Variants in DIPK1A observed in about 807,000 individuals in gnomAD.
The protein encoded by DIPK1A is family with sequence similarity 69 member A.
A neutral mutation model predicts 40.8 loss-of-function variants in DIPK1A; 27 were observed. The observed-to-expected ratio is 0.66, with a 90% CI of 0.49 to 0.91. The LOEUF is 0.91. Among genes scored for constraint, DIPK1A ranks in the 40% least tolerant of loss-of-function variants. The probability of loss-of-function intolerance (pLI) is 0.00; values close to 1 mark genes in which losing one functional copy is unlikely to be tolerated. For synonymous variants in DIPK1A, 166 were observed against 171.3 expected (o/e 0.97, Z 0.24); for missense variants, 412 against 505.7 (o/e 0.81, Z 1.78).
At chr1:92,893,073 A>G (rs1328875360) in intron 1 of DIPK1A, among the ~76,000 whole-genome samples, 1 of 152,084 alleles carries the variant, frequency 6.6e-6, no homozygotes, top group Non-Finnish European at 1.5e-5. Context: ...GTTGGAAAAC[A>G]CTCTGCAGGA....
chr1:92,860,016 T>C (rs1422726434), intron 2 of DIPK1A, among the ~76,000 whole-genome samples: 1 of 152,202 alleles, frequency 6.6e-6, no homozygotes, highest in Non-Finnish European at 1.5e-5. Context: ...GTTTGTTAAA[T>C]AGCATGATAA....
chr1:92,942,051 A>G (rs565750971), intron 1 of DIPK1A, among the ~76,000 whole-genome samples: 29 of 152,298 alleles, frequency 1.9e-4, no homozygotes, highest in African/African-American at 6.5e-4. Flanking sequence ...CACAGGGAAT[A>G]TATGGACATG....
chr1:92,942,433 T>C (rs1452838743), intron 1 of DIPK1A, among the ~76,000 whole-genome samples: 4 of 152,174 alleles, frequency 2.6e-5, no homozygotes, highest in African/African-American at 9.7e-5. Context: ...ATGAGTAAAG[T>C]GGAAAGGATA....
chr1:92,855,999 C>T (rs1448228555), intron 2 of DIPK1A, among the ~76,000 whole-genome samples: 1 of 152,058 alleles, frequency 6.6e-6, no homozygotes, highest in Non-Finnish European at 1.5e-5. Context: ...ATGGCTTGAG[C>T]CCTGGAGGTC....
At chr1:92,927,800 T>C (rs1298465863) in intron 1 of DIPK1A, among the ~76,000 whole-genome samples, 1 of 152,252 alleles carries the variant, frequency 6.6e-6, no homozygotes, top group East Asian at 1.9e-4. Flanking sequence ...CGTTTCTTTT[T>C]ATTGCTGAAC....
Position 92,842,330 on chromosome 1 carries a change from C to G in DIPK1A, c.*1053G>C. Reference sequence around the variant, plus strand: ...CATGTTCCACTTTAGGTAGGCGAAACCTTTGAGCAGAAAATAGTGGTTCTT... The same window carrying G: ...CATGTTCCACTTTAGGTAGGCGAAAGCTTTGAGCAGAAAATAGTGGTTCTT... On this transcript the variant is annotated 3_prime_UTR_variant, in exon 5 of 5. Coordinates refer to ENST00000370310, the MANE Select transcript of DIPK1A (RefSeq NM_001006605.5). 2.0e-6 allele frequency: 2 copies of G among 985,966 alleles called. No individual in the cohort carries two copies. Among genetic ancestry groups the G allele is most frequent in the African/African-American group, 1.7e-5 (1 of 57,348 alleles). The allele number at this position is 985,966 out of a possible 1,614,324, so 61.1% of individuals were successfully genotyped here.
intron 1 of DIPK1A, among the ~76,000 whole-genome samples, chr1:92,943,067 A>T (rs952723489): frequency 1.3e-5 from 2 of 152,370 alleles, no homozygotes; most frequent in East Asian, 1.9e-4. Context: ...TCACATCAGG[A>T]CTTTCAGTTT....
At chr1:92,913,670 T>C (rs866883989) in intron 1 of DIPK1A, among the ~76,000 whole-genome samples, 3 of 152,208 alleles carry the variant, frequency 2.0e-5, no homozygotes, top group African/African-American at 4.8e-5. Context: ...GTAAGTAATA[T>C]ACTGTATATG....
At chr1:92,883,044 C>T (rs1648447752) in intron 1 of DIPK1A, among the ~76,000 whole-genome samples, 1 of 152,190 alleles carries the variant, frequency 6.6e-6, no homozygotes, top group African/African-American at 2.4e-5. Flanking sequence ...AATTCTAGGT[C>T]TTAGCCACTG....
At chr1:92,861,200 T>C (rs1478786558) in intron 2 of DIPK1A, among the ~76,000 whole-genome samples, 1 of 152,184 alleles carries the variant, frequency 6.6e-6, no homozygotes, top group Non-Finnish European at 1.5e-5. Flanking sequence ...TTTTCATAAA[T>C]GTCTTTTATC....
chr1:92,897,541 G>A (rs1649226826), intron 1 of DIPK1A, among the ~76,000 whole-genome samples: 1 of 152,118 alleles, frequency 6.6e-6, no homozygotes, highest in South Asian at 2.1e-4. Context: ...AGCATTAGGA[G>A]ATATACCTAA....
chr1:92,855,923 T>C (rs1687972090), intron 2 of DIPK1A, among the ~76,000 whole-genome samples: 1 of 151,600 alleles, frequency 6.6e-6, no homozygotes, highest in Non-Finnish European at 1.5e-5. Context: ...CTACAAAAAA[T>C]ACAAAAATTA....
At chr1:92,959,475 G>A (rs1403070045) in intron 1 of DIPK1A, among the ~76,000 whole-genome samples, 2 of 132,882 alleles carry the variant, frequency 1.5e-5, no homozygotes, top group Admixed American at 1.7e-4. Flanking sequence ...TTTTTGAGAC[G>A]GAGTCGCACT....
intron 1 of DIPK1A, among the ~76,000 whole-genome samples, chr1:92,882,713 T>A (rs562388854): frequency 1.3e-5 from 2 of 152,298 alleles, no homozygotes; most frequent in East Asian, 1.9e-4. Context: ...TACTTTTATA[T>A]ACAAACAATA....
At chr1:92,874,095 T>C (rs533405950) in intron 2 of DIPK1A, among the ~76,000 whole-genome samples, 4 of 152,226 alleles carry the variant, frequency 2.6e-5, no homozygotes, top group Non-Finnish European at 5.9e-5. Context: ...TCTTTCATTA[T>C]CTTCAGGGTT....
chr1:92,847,215 T>C lies in DIPK1A; in HGVS notation c.442A>G (p.Lys148Glu). ...DKPTRGTTVQ[K>E]FKEMVYSLFK... is the part of the protein sequence containing the mutation. ...AGACTATAGACCATTTCTTTAAATT[T>C]TTGTACAGTAGTTCCTCTAGTTGGC... Residue 148 changes from lysine (K) to glutamate (E), a missense_variant, in exon 4 of 5, where the codon AAA becomes GAA. By Grantham distance (56) the Lys-to-Glu change is moderately conservative (BLOSUM62 1). Coordinates refer to ENST00000370310, the MANE Select transcript of DIPK1A (RefSeq NM_001006605.5). 1 of 1,589,152 alleles carries C rather than the reference T, an allele frequency of 6.3e-7. No homozygotes were observed. Among genetic ancestry groups the C allele is most frequent in the East Asian group, 2.3e-5 (1 of 44,378 alleles).
intron 1 of DIPK1A, among the ~76,000 whole-genome samples, chr1:92,877,814 G>C (rs1220040238): frequency 6.6e-6 from 1 of 152,144 alleles, no homozygotes; most frequent in Non-Finnish European, 1.5e-5. Flanking sequence ...AAGATGACTC[G>C]TCTCTAATAA....
chr1:92,874,933 T>C (rs1648048168), intron 2 of DIPK1A, among the ~76,000 whole-genome samples: 1 of 152,106 alleles, frequency 6.6e-6, no homozygotes, highest in Non-Finnish European at 1.5e-5. Context: ...AGATACCTCC[T>C]ATCTTAAAAT....
downstream of DIPK1A, chr1:92,840,979 C>T (rs1429254748): frequency 7.3e-6 from 3 of 413,248 alleles, no homozygotes; most frequent in East Asian, 1.1e-4. Context: ...GATGTGATGG[C>T]CCACAAATAC....
Sources: allele counts gnomAD v4.1 joint callset (sites outside exome capture counted in the v4.1 genomes callset), GRCh38; gene constraint gnomAD v4.1.1; transcripts MANE v1.5; gene names NCBI Gene and HGNC (gene_info 2026-07-23, HGNC 2026-07-21).